Variants in DEUP1 observed in about 807,000 individuals in gnomAD.
The protein encoded by DEUP1 is deuterosome assembly protein 1.
In DEUP1, 82 loss-of-function variants were observed where a neutral mutation model predicts 87.4. That is an observed-to-expected ratio of 0.94 (90% CI 0.78 to 1.13). DEUP1 has a LOEUF of 1.13. Among genes scored for constraint, DEUP1 ranks in the 50% most tolerant of loss-of-function variants. The pLI, the probability that DEUP1 is intolerant of heterozygous loss-of-function variation, is 0.00. For missense variants in DEUP1, 663 were observed against 681.5 expected (o/e 0.97, Z 0.30); for synonymous variants, 214 against 222.7 (o/e 0.96, Z 0.35).
chr11:93,357,051 A>T lies in DEUP1; in HGVS notation c.297+8A>T. ...CAAAGCCTAAAGGCTCAAGTAAGAA[A>T]ACTTATTATAATTTAATATCACACA... On this transcript the variant is annotated splice_region_variant and intron_variant, in intron 4 of 13. Transcript: ENST00000298050. 1 of 1,465,134 alleles carries T rather than the reference A, an allele frequency of 6.8e-7. No individual in the cohort carries two copies. Among genetic ancestry groups the T allele is most frequent in the South Asian group, 1.3e-5 (1 of 76,912 alleles). 90.8% of individuals were successfully genotyped at this position (1,465,134 alleles called of 1,614,324 possible).
intron 1 of DEUP1, among the ~76,000 whole-genome samples, chr11:93,331,901 G>A (rs1016009423): frequency 9.9e-5 from 15 of 152,046 alleles, no homozygotes; most frequent in Non-Finnish European, 2.1e-4. Flanking sequence ...AAAATTAGCC[G>A]GGCATGGTGG....
At chr11:93,363,993 T>G (rs79699078) in intron 4 of DEUP1, among the ~76,000 whole-genome samples, 167 bp from the exon 5 acceptor site, 2,540 of 152,010 alleles carry the variant, frequency 0.017, 70 homozygotes, top group African/African-American at 0.057. Context: ...CTTCAATAAT[T>G]TAGTTTTAAT....
intron 11 of DEUP1, among the ~76,000 whole-genome samples, chr11:93,397,424 A>G (rs1322669249): frequency 6.6e-6 from 1 of 152,286 alleles, no homozygotes; most frequent in South Asian, 2.1e-4. Flanking sequence ...TTATTTCTAA[A>G]TGCTGAACAC....
rs148447462 is a variant in DEUP1 at position 93,360,819 on chromosome 11, A to T, written c.298-3341A>T. 2.5e-3 allele frequency among the ~76,000 whole-genome samples: 372 copies of T among 151,344 alleles called. 1 individual carries two copies. Among genetic ancestry groups the T allele is most frequent in the African/African-American group, 8.7e-3 (361 of 41,334 alleles). ...TAACAAGCAATTTAAAATTTATATC[A>T]TCAGAGAACCCAGAAGGAGAGGAGA... is the stretch of plus-strand genomic sequence containing the variant. On this transcript the variant is annotated intron_variant, in intron 4 of 13. Coordinates refer to ENST00000298050, the MANE Select transcript of DEUP1 (RefSeq NM_181645.4).
chr11:93,334,627 A>G (rs1444627129), intron 2 of DEUP1, among the ~76,000 whole-genome samples: 1 of 152,206 alleles, frequency 6.6e-6, no homozygotes, highest in Non-Finnish European at 1.5e-5. Context: ...AGGAGCAGAA[A>G]GTGCCAAGGC....
chr11:93,438,460 G>A lies in DEUP1; in HGVS notation c.*741G>A, dbSNP rs542440055. The A allele has an allele frequency of 6.6e-5, 10 of 152,260 alleles. No individual in the cohort carries two copies. The South Asian group carries it at 1.7e-3, about 25-fold the overall frequency. The allele number at this position is 152,260 out of a possible 1,614,324, so 9.4% of individuals were successfully genotyped here. ...TCTGTTTTTAATACAATAAAGGAAT[G>A]TAAAATTCAATGGACTTGAAGCATA... On this transcript the variant is annotated 3_prime_UTR_variant, in exon 14 of 14. Coordinates refer to ENST00000298050, the MANE Select transcript of DEUP1 (RefSeq NM_181645.4).
intron 9 of DEUP1, among the ~76,000 whole-genome samples, chr11:93,391,799 A>C (rs1946773756): frequency 6.6e-6 from 1 of 152,150 alleles, no homozygotes; most frequent in Admixed American, 6.6e-5. Flanking sequence ...ACTGGGACAA[A>C]CTATAGACTG....
rs540432988 is a variant in DEUP1 at position 93,373,661 on chromosome 11, ATGC to A, written c.789+2382_789+2384del. 2.9e-3 allele frequency among the ~76,000 whole-genome samples: 431 copies of A among 147,650 alleles called. 3 individuals carry two copies. The highest frequency in any genetic ancestry group is 9.7e-3 in the African/African-American group (391 of 40,338). ...TATATATATATATATACGTATATAT[ATGC>A]CACATTTTCTTTATCCACTCATTGA... is the stretch of plus-strand genomic sequence containing the variant. On this transcript the variant is annotated intron_variant, in intron 7 of 13. Transcript: ENST00000298050.
intron 13 of DEUP1, among the ~76,000 whole-genome samples, chr11:93,416,167 G>A (rs1000797625): frequency 6.6e-6 from 1 of 152,014 alleles, no homozygotes; most frequent in Non-Finnish European, 1.5e-5. Flanking sequence ...CAGAAGGCAA[G>A]AAATAACCAA....
At position 93,414,266 on chromosome 11, in the gene DEUP1, C is replaced by T. The variant is rs370379816; in HGVS notation, c.1524-734C>T. ...CGGTGACTCATGCCTGTAATCCCAG[C>T]ACTTTGGGAGGCCAACGCAGGCGAA... On this transcript the variant is annotated intron_variant, in intron 12 of 13. Transcript: ENST00000298050. Among the ~76,000 whole-genome samples, 6 of 152,314 alleles carry T rather than the reference C, an allele frequency of 3.9e-5. No homozygotes were observed. The East Asian group carries it at 9.6e-4, about 24-fold the overall frequency.
intron 4 of DEUP1, among the ~76,000 whole-genome samples, chr11:93,361,301 G>A (rs561165284): frequency 6.6e-6 from 1 of 152,092 alleles, no homozygotes; most frequent in South Asian, 2.1e-4. Flanking sequence ...TAACAGAAAA[G>A]AAATGATAAA....
intron 8 of DEUP1, among the ~76,000 whole-genome samples, chr11:93,387,153 G>T (rs1431621903): frequency 6.6e-6 from 1 of 152,040 alleles, no homozygotes; most frequent in African/African-American, 2.4e-5. Flanking sequence ...TTGATGAAAA[G>T]GTATAAGTTT....
intron 13 of DEUP1, among the ~76,000 whole-genome samples, chr11:93,433,994 G>A (rs547037488): frequency 2.0e-5 from 3 of 152,156 alleles, no homozygotes; most frequent in Admixed American, 6.5e-5. Context: ...CCTCCAGTTC[G>A]GTGGAGGGCA....
In DEUP1 at chr11:93,340,864, T is replaced by A. The variant is rs569464465; in HGVS notation, c.29+8576T>A. Among the ~76,000 whole-genome samples, 12 of 152,306 alleles carry A rather than the reference T, an allele frequency of 7.9e-5. No individual in the cohort carries two copies. In the East Asian group the frequency reaches 2.1e-3, roughly 27 times the overall value. ...ATGCAAGCTTGGTTTGAGATGCCTG[T>A]TATATATCCAAGTGAAGACGTTTGT... On this transcript the variant is annotated intron_variant, in intron 2 of 13. Coordinates refer to ENST00000298050, the MANE Select transcript of DEUP1 (RefSeq NM_181645.4).
rs1454709726 is a variant in DEUP1, at chr11:93,370,121, C to G, written c.481C>G (p.Gln161Glu). The change falls in exon 6 of 14, where the codon CAG (glutamine) becomes GAG (glutamate). Residue 161 changes from glutamine (Q) to glutamate (E), a missense_variant. Physicochemically the swap from Gln to Glu is conservative, Grantham distance 29. Transcript: ENST00000298050. ...ATGGGACAAGCAAGAGATATTATAT[C>G]AGACTCATCTGATTTCTTTAGATGC... The part of the protein sequence containing the change: ...REWDKQEILY[Q>E]THLISLDAQQ... 1.2e-6 allele frequency: 2 copies of G among 1,608,554 alleles called. No individual in the cohort carries two copies. The highest frequency in any genetic ancestry group is 1.7e-6 in the Non-Finnish European group (2 of 1,176,686).
chr11:93,412,579 CTT>C (rs1195588610), intron 12 of DEUP1, among the ~76,000 whole-genome samples: 1 of 152,122 alleles, frequency 6.6e-6, no homozygotes, highest in Admixed American at 6.6e-5. Flanking sequence ...CACCATAAAA[CTT>C]TATCTGTACA....
chr11:93,385,600 G>A (rs964038131), intron 8 of DEUP1, 57 bp downstream of exon 8: 23 of 1,329,836 alleles, frequency 1.7e-5, no homozygotes, highest in African/African-American at 3.0e-5. Flanking sequence ...ATGTTTGAAT[G>A]TTTTTAAGAG....
chr11:93,375,152 A>G (rs1264242752), intron 7 of DEUP1, among the ~76,000 whole-genome samples: 1 of 151,308 alleles, frequency 6.6e-6, no homozygotes, highest in Non-Finnish European at 1.5e-5. Context: ...GTATCCTGAA[A>G]CTTTACTGAA....
At chr11:93,409,809 T>C (rs963017512) in intron 12 of DEUP1, among the ~76,000 whole-genome samples, 1 of 152,140 alleles carries the variant, frequency 6.6e-6, no homozygotes, top group African/African-American at 2.4e-5. Flanking sequence ...AGAAAAACCA[T>C]ACACAACTTG....
Sources: allele counts gnomAD v4.1 joint callset (sites outside exome capture counted in the v4.1 genomes callset), GRCh38; gene constraint gnomAD v4.1.1; transcripts MANE v1.5; gene names NCBI Gene and HGNC (gene_info 2026-07-23, HGNC 2026-07-21).